The following GPR158 variants were observed in gnomAD, a reference collection of about 807,000 sequenced individuals.
The protein encoded by GPR158 is metabotropic glycine receptor.
GPR158 carries 30 observed loss-of-function variants against 78.2 expected under a neutral mutation model. The ratio of observed to expected loss-of-function variants is 0.38; its 90% CI spans 0.29 to 0.52. The LOEUF is 0.52. Ranked by LOEUF, GPR158 falls within the 20% of genes least tolerant of loss-of-function variation. GPR158 has a pLI of 0.83. For missense variants in GPR158, 1,463 were observed against 1,523.5 expected, an observed-to-expected ratio of 0.96 and a Z score of 0.66; for synonymous variants, 581 against 591.1, an observed-to-expected ratio of 0.98 and a Z score of 0.25.
At chr10:25,450,136 A>G (rs1192170476) in intron 4 of GPR158, among the ~76,000 whole-genome samples, 1 of 152,170 alleles carries the variant, frequency 6.6e-6, no homozygotes, top group Non-Finnish European at 1.5e-5. Context: ...CCTGAGGACT[A>G]AGCTGAAGTT....
At chr10:25,549,729 G>A (rs1347652654) in intron 5 of GPR158, among the ~76,000 whole-genome samples, 1 of 151,986 alleles carries the variant, frequency 6.6e-6, no homozygotes, top group Non-Finnish European at 1.5e-5. Context: ...TAATGTCTTT[G>A]TGTAGTAGAA....
chr10:25,485,410 C>T (rs1200406119), intron 5 of GPR158, among the ~76,000 whole-genome samples: 1 of 151,584 alleles, frequency 6.6e-6, no homozygotes, highest in East Asian at 1.9e-4. Context: ...AAATAAAAGC[C>T]CACCCTAAAA....
rs1388553188 is a variant in GPR158 at position 25,601,754 on chromosome 10, G to A, written c.*2480G>A. 1 of 152,572 alleles carries A rather than the reference G, an allele frequency of 6.6e-6. No individual in the cohort carries two copies. The highest frequency in any genetic ancestry group is 1.5e-5 in the Non-Finnish European group (1 of 68,026). 9.5% of individuals were successfully genotyped at this position (152,572 alleles called of 1,614,324 possible). ...TAGAAAGTGAATAAACACTTTTAAG[G>A]TCGCAAACATTTGCTAGGTTGTCCT... On this transcript the variant is annotated 3_prime_UTR_variant, in exon 11 of 11. Transcript: ENST00000376351.
intron 2 of GPR158, among the ~76,000 whole-genome samples, chr10:25,378,347 T>A (rs1198570784): frequency 6.6e-6 from 1 of 152,098 alleles, no homozygotes; most frequent in African/African-American, 2.4e-5. Context: ...TGGCTTAAAA[T>A]GCAAATGAAA....
intron 2 of GPR158, among the ~76,000 whole-genome samples, chr10:25,232,642 T>C (rs769322151): frequency 4.6e-5 from 7 of 152,116 alleles, no homozygotes; most frequent in Non-Finnish European, 1.0e-4. Context: ...TCATTGTTTT[T>C]CCCTCCCCAA....
intron 1 of GPR158, among the ~76,000 whole-genome samples, chr10:25,181,904 G>A (rs1006825345): frequency 1.3e-5 from 2 of 151,980 alleles, no homozygotes; most frequent in Non-Finnish European, 2.9e-5. Context: ...TTTTAGTAGA[G>A]ATGGGGTTTT....
intron 2 of GPR158, among the ~76,000 whole-genome samples, chr10:25,373,693 T>A (rs766243173): frequency 1.3e-4 from 20 of 151,920 alleles, no homozygotes; most frequent in Non-Finnish European, 4.4e-5. Context: ...CAAGGTAATA[T>A]AGAAGTAAAT....
chr10:25,596,588 T>A, intron 9 of GPR158, 55 bp from the exon 10 acceptor site: 1 of 1,297,250 alleles, frequency 7.7e-7, no homozygotes, highest in Non-Finnish European at 1.1e-6. Flanking sequence ...GATATAGATA[T>A]ATGCAATGCG....
chr10:25,299,493 C>CT (rs879527822), intron 2 of GPR158, among the ~76,000 whole-genome samples: 7 of 152,074 alleles, frequency 4.6e-5, no homozygotes, highest in South Asian at 4.2e-4. Flanking sequence ...TCATACGATT[C>CT]TTTTTTTTCT....
chr10:25,240,856 A>G (rs1564399149), intron 2 of GPR158, among the ~76,000 whole-genome samples: 1 of 152,214 alleles, frequency 6.6e-6, no homozygotes, highest in African/African-American at 2.4e-5. Flanking sequence ...TTGAATCAAT[A>G]TGTACCTTCA....
chr10:25,329,923 G>C (rs9417407), intron 2 of GPR158, among the ~76,000 whole-genome samples: 1 of 151,912 alleles, frequency 6.6e-6, no homozygotes, highest in Non-Finnish European at 1.5e-5. Flanking sequence ...GATAAAAATT[G>C]TAACACTTTG....
At chr10:25,450,383 T>G (rs890304280) in intron 4 of GPR158, among the ~76,000 whole-genome samples, 2 of 70,568 alleles carry the variant, frequency 2.8e-5, no homozygotes, top group Non-Finnish European at 4.7e-5. Flanking sequence ...TTTTCACGTT[T>G]TTTTTTTTTT....
chr10:25,536,990 C>A (rs1052200484), intron 5 of GPR158, among the ~76,000 whole-genome samples: 6 of 152,334 alleles, frequency 3.9e-5, no homozygotes, highest in Middle Eastern at 3.4e-3. Flanking sequence ...CCTTTTATGG[C>A]AGAGTCCTAA....
chr10:25,389,881 A>T (rs1834270502), intron 2 of GPR158, among the ~76,000 whole-genome samples: 1 of 152,128 alleles, frequency 6.6e-6, no homozygotes, highest in African/African-American at 2.4e-5. Flanking sequence ...CCCAAGTCTC[A>T]TCTTGAGCTT....
In GPR158 at chr10:25,600,272, C is replaced by A. The variant is rs1475129672; in HGVS notation, c.*998C>A. 1 of 152,442 alleles carries A rather than the reference C, an allele frequency of 6.6e-6. No individual in the cohort carries two copies. Among genetic ancestry groups the A allele is most frequent in the Non-Finnish European group, 1.5e-5 (1 of 67,984 alleles). The allele number at this position is 152,442 out of a possible 1,614,324, so 9.4% of individuals were successfully genotyped here. A position where few individuals can be genotyped will look rare whatever the true frequency, so the allele number is the denominator to read the frequency against. ...AACGCCTTCATTCCAATTAATTGTCCCTTTTAACTCTTTCAGTATTTCCTA... is the reference window on the plus strand; with the variant it reads ...AACGCCTTCATTCCAATTAATTGTCACTTTTAACTCTTTCAGTATTTCCTA... On this transcript the variant is annotated 3_prime_UTR_variant, in exon 11 of 11. Coordinates refer to ENST00000376351, the MANE Select transcript of GPR158 (RefSeq NM_020752.3).
At chr10:25,550,903 G>A in intron 5 of GPR158, 73 bp from the exon 6 acceptor site, 1 of 788,690 alleles carries the variant, frequency 1.3e-6, no homozygotes, top group South Asian at 1.4e-5. Flanking sequence ...GAAACATCAG[G>A]TTATGAGATA....
chr10:25,342,340 C>T (rs1855314694), intron 2 of GPR158, among the ~76,000 whole-genome samples: 1 of 151,786 alleles, frequency 6.6e-6, no homozygotes, highest in Non-Finnish European at 1.5e-5. Context: ...CTTGTTCCAC[C>T]TTCTTGTTTC....
rs1212608296 is a variant in GPR158 at position 25,250,495 on chromosome 10, A to G, written c.1008+29338A>G. 8.9e-5 allele frequency among the ~76,000 whole-genome samples: 13 copies of G among 145,980 alleles called. No homozygotes were observed. In the East Asian group the frequency reaches 1.8e-3, roughly 20 times the overall value. On this transcript the variant is annotated intron_variant, in intron 2 of 10. Coordinates refer to ENST00000376351, the MANE Select transcript of GPR158 (RefSeq NM_020752.3). The stretch of plus-strand genomic sequence containing the variant: ...ACACACTGCTTTGAATGTGTCCCAG[A>G]GATTCTGGTATGTGGTGTCTTTGTT...
intron 7 of GPR158, among the ~76,000 whole-genome samples, chr10:25,581,861 A>C (rs1837204157): frequency 1.3e-5 from 2 of 152,204 alleles, no homozygotes; most frequent in South Asian, 4.1e-4. Context: ...CACACTGCTG[A>C]TAAAGACATA....
Sources: allele counts gnomAD v4.1 joint callset (sites outside exome capture counted in the v4.1 genomes callset), GRCh38; gene constraint gnomAD v4.1.1; transcripts MANE v1.5; gene names NCBI Gene and HGNC (gene_info 2026-07-23, HGNC 2026-07-21).